SLC71A2: variants seen among roughly 807,000 people sequenced by gnomAD.
SLC71A2 encodes solute carrier family 71 member 2.
the SLC71A2 span, among the ~76,000 whole-genome samples, chr9:94,431,474 A>G: frequency 7.9e-5 from 12 of 151,406 alleles, no homozygotes; most frequent in Non-Finnish European, 1.3e-4. Context: ...GAGGATATTT[A>G]TATGTAAAAC....
the SLC71A2 span, among the ~76,000 whole-genome samples, chr9:94,408,228 G>A: frequency 5.3e-5 from 8 of 152,178 alleles, no homozygotes; most frequent in African/African-American, 9.7e-5. Context: ...TAAGCCCATC[G>A]TAGGTTGAAT....
the SLC71A2 span, among the ~76,000 whole-genome samples, chr9:94,403,359 A>G: frequency 2.0e-5 from 3 of 151,716 alleles, no homozygotes; most frequent in African/African-American, 4.8e-5. Context: ...GCTGGTCTCA[A>G]ACTCCTGACC....
At chr9:94,399,347 T>C in the SLC71A2 span, among the ~76,000 whole-genome samples, 1 of 152,160 alleles carries the variant, frequency 6.6e-6, no homozygotes, top group East Asian at 1.9e-4. Context: ...TGTGTCACAC[T>C]AGATATGCTT....
chr9:94,424,950 G>T, the SLC71A2 span, among the ~76,000 whole-genome samples: 11 of 150,992 alleles, frequency 7.3e-5, no homozygotes, highest in Admixed American at 4.0e-4. Flanking sequence ...AGCGAGGCTG[G>T]TCTTGAACTC....
At chr9:94,458,582 C>G in the SLC71A2 span, 8 of 1,003,322 alleles carry the variant, frequency 8.0e-6, no homozygotes, top group South Asian at 2.8e-5. Context: ...TATTTGGCAG[C>G]AATAAGTATT....
chr9:94,423,253 T>C, the SLC71A2 span, among the ~76,000 whole-genome samples: 1 of 145,248 alleles, frequency 6.9e-6, no homozygotes, highest in Non-Finnish European at 1.5e-5. Context: ...TGCCTTTCTG[T>C]TCTCTCTCTC....
chr9:94,422,935 CTTTTT>C, the SLC71A2 span, among the ~76,000 whole-genome samples: 1 of 134,630 alleles, frequency 7.4e-6, no homozygotes, highest in African/African-American at 2.7e-5. Flanking sequence ...GTCTTTCTTC[CTTTTT>C]TTTTTTTTTT....
the SLC71A2 span, among the ~76,000 whole-genome samples, chr9:94,457,029 C>T: frequency 2.1e-5 from 3 of 141,584 alleles, no homozygotes; most frequent in African/African-American, 2.6e-5. Context: ...TGTAGTGGTA[C>T]AATCTTGGCT....
the SLC71A2 span, among the ~76,000 whole-genome samples, chr9:94,383,552 T>TCA: frequency 6.6e-6 from 1 of 152,068 alleles, no homozygotes; most frequent in Non-Finnish European, 1.5e-5. Context: ...TGTCTTTACA[T>TCA]CAGTACCCTG....
At chr9:94,379,662 A>AT in the SLC71A2 span, among the ~76,000 whole-genome samples, 1 of 152,008 alleles carries the variant, frequency 6.6e-6, no homozygotes, top group Non-Finnish European at 1.5e-5. Context: ...GAGTGCTGGG[A>AT]TTATAGGCAT....
the SLC71A2 span, among the ~76,000 whole-genome samples, chr9:94,454,391 G>T: frequency 6.6e-6 from 1 of 151,684 alleles, no homozygotes; most frequent in African/African-American, 2.4e-5. Context: ...TCCCTGAGAC[G>T]GAGTCTCACT....
chr9:94,442,188 T>TC, the SLC71A2 span, among the ~76,000 whole-genome samples: 1 of 152,320 alleles, frequency 6.6e-6, no homozygotes, highest in East Asian at 1.9e-4. Context: ...TATCTCCTTT[T>TC]CCTGGGTCTT....
chr9:94,446,189 A>C, the SLC71A2 span, among the ~76,000 whole-genome samples: 5 of 152,216 alleles, frequency 3.3e-5, no homozygotes, highest in Non-Finnish European at 7.3e-5. Flanking sequence ...TAATTACATA[A>C]AAGCTATGGT....
At chr9:94,392,861 C>T in the SLC71A2 span, among the ~76,000 whole-genome samples, 2 of 151,336 alleles carry the variant, frequency 1.3e-5, no homozygotes, top group Non-Finnish European at 2.9e-5. Flanking sequence ...CCAATTAAGG[C>T]ATCTTATCTA....
the SLC71A2 span, among the ~76,000 whole-genome samples, chr9:94,409,129 C>CTTTTTTTTTTTTTTTTTTT: frequency 1.5e-5 from 1 of 68,240 alleles, no homozygotes; most frequent in African/African-American, 7.5e-5. Flanking sequence ...GCCCGGCCTC[C>CTTTTTTTTTTTTTTTTTTT]TTTTTTTTTT....
the SLC71A2 span, among the ~76,000 whole-genome samples, chr9:94,382,563 T>C: frequency 6.6e-6 from 1 of 152,096 alleles, no homozygotes; most frequent in African/African-American, 2.4e-5. Flanking sequence ...TTTTAAATTT[T>C]GATGAAATTT....
At chr9:94,446,874 G>C in the SLC71A2 span, 2 of 1,612,930 alleles carry the variant, frequency 1.2e-6, no homozygotes, top group Non-Finnish European at 1.7e-6. Flanking sequence ...CTGCATCACC[G>C]TGTTTCTTTC....
At chr9:94,444,681 C>T in the SLC71A2 span, among the ~76,000 whole-genome samples, 1 of 152,124 alleles carries the variant, frequency 6.6e-6, no homozygotes, top group South Asian at 2.1e-4. Context: ...TAAGATAATC[C>T]TTTTTTACTC....
At chr9:94,405,518 AG>A in the SLC71A2 span, among the ~76,000 whole-genome samples, 2 of 150,756 alleles carry the variant, frequency 1.3e-5, no homozygotes, top group South Asian at 2.1e-4. Context: ...AAAAAAAAAA[AG>A]ACTGGGCTTT....
Sources: allele counts gnomAD v4.1 joint callset (sites outside exome capture counted in the v4.1 genomes callset), GRCh38; gene constraint gnomAD v4.1.1; transcripts MANE v1.5; gene names NCBI Gene and HGNC (gene_info 2026-07-23, HGNC 2026-07-21).